EXOC6: variants seen among roughly 807,000 people sequenced by gnomAD.
EXOC6 encodes the protein exocyst complex component 6.
EXOC6 carries 60 observed loss-of-function variants against 112.5 expected under a neutral mutation model. That is an observed-to-expected ratio of 0.53 (90% CI 0.43 to 0.66). The LOEUF (loss-of-function observed/expected upper bound fraction) is 0.66, where lower values mean the gene tolerates loss of function less well. Among genes scored for constraint, EXOC6 ranks in the 30% least tolerant of loss-of-function variants. The pLI is 0.00. For missense variants in EXOC6, 855 were observed against 957.1 expected (o/e 0.89, Z 1.41); for synonymous variants, 295 against 308.0 (o/e 0.96, Z 0.44).
intron 4 of EXOC6, among the ~76,000 whole-genome samples, chr10:92,896,426 G>C (rs936903071): frequency 1.3e-5 from 2 of 149,236 alleles, no homozygotes; most frequent in African/African-American, 4.9e-5. Flanking sequence ...CAAACTTCTG[G>C]CCTCAAATGA....
upstream of EXOC6, chr10:92,848,503 C>G: frequency 7.6e-7 from 1 of 1,317,502 alleles, no homozygotes. Context: ...CGCGGCGCCG[C>G]GCCTCGCTGG....
chr10:93,058,390 C>T lies in EXOC6; in HGVS notation c.*35C>T, dbSNP rs776125533. ...GGCTTGCACTCAGTGACACCAAATC[C>T]ATGATTCAATGTTGATCTTGAGCAA... On this transcript the variant is annotated 3_prime_UTR_variant, in exon 22 of 22. Coordinates refer to ENST00000260762, the MANE Select transcript of EXOC6 (RefSeq NM_019053.6). 6.5e-7 allele frequency: 1 copy of T among 1,549,404 alleles called. No homozygotes were observed. The highest frequency in any genetic ancestry group is 1.2e-5 in the South Asian group (1 of 80,466).
At chr10:92,876,810 T>C (rs1848703319) in intron 1 of EXOC6, among the ~76,000 whole-genome samples, 1 of 152,188 alleles carries the variant, frequency 6.6e-6, no homozygotes, top group South Asian at 2.1e-4. Context: ...GAAAAATCAC[T>C]GACACTTTTA....
intron 18 of EXOC6, among the ~76,000 whole-genome samples, chr10:92,986,302 T>TA (rs150882055): frequency 0.011 from 1,625 of 152,272 alleles, 33 homozygotes; most frequent in African/African-American, 0.037. Context: ...TTGAATAAAA[T>TA]AACTATGATG....
At chr10:92,865,514 G>A (rs909229493) in intron 1 of EXOC6, among the ~76,000 whole-genome samples, 8 of 152,186 alleles carry the variant, frequency 5.3e-5, no homozygotes, top group African/African-American at 1.9e-4. Flanking sequence ...TCCAGCCTGG[G>A]CGACAGAGGG....
At position 92,919,434 on chromosome 10, in the gene EXOC6, AT is replaced by A. The variant is rs528409604; in HGVS notation, c.820-539del. Among the ~76,000 whole-genome samples, 483 of 151,606 alleles carry A rather than the reference AT, an allele frequency of 3.2e-3. 5 individuals carry two copies. Among genetic ancestry groups the A allele is most frequent in the Middle Eastern group, 3.4e-3 (1 of 292 alleles). On this transcript the variant is annotated intron_variant, in intron 7 of 21. Coordinates refer to ENST00000260762, the MANE Select transcript of EXOC6 (RefSeq NM_019053.6). ...TACTACATTTCATCAATTGTAAGGC[AT>A]TTTTTTTTCCACATAACATTTCAGA...
intron 6 of EXOC6, among the ~76,000 whole-genome samples, chr10:92,914,023 C>T (rs572045788): frequency 1.3e-5 from 2 of 152,152 alleles, no homozygotes; most frequent in African/African-American, 2.4e-5. Context: ...TAATATTGCT[C>T]TCTAGGGCAG....
chr10:93,000,633 G>A (rs953528024), intron 19 of EXOC6, among the ~76,000 whole-genome samples: 3 of 152,052 alleles, frequency 2.0e-5, no homozygotes, highest in African/African-American at 4.8e-5. Flanking sequence ...AAGACAACTC[G>A]GATTCCTTTA....
chr10:92,850,988 A>G (rs1337489206), intron 1 of EXOC6, among the ~76,000 whole-genome samples: 1 of 152,218 alleles, frequency 6.6e-6, no homozygotes, highest in East Asian at 1.9e-4. Flanking sequence ...CTATCTGGAA[A>G]ATTCCCAAAT....
At chr10:92,869,262 C>A (rs1848324414) in intron 1 of EXOC6, among the ~76,000 whole-genome samples, 1 of 151,314 alleles carries the variant, frequency 6.6e-6, no homozygotes, top group African/African-American at 2.4e-5. Flanking sequence ...CTTGGCCTTC[C>A]AGAGTGCTGG....
rs1472002134 is a variant in EXOC6 at position 92,897,485 on chromosome 10, A to G, written c.413-2114A>G. Among the ~76,000 whole-genome samples the G allele has an allele frequency of 2.0e-5, 3 of 152,334 alleles. No individual in the cohort carries two copies. The East Asian group carries it at 5.8e-4, about 29-fold the overall frequency. ...CTTGGGACCCCAAAATCACTAAGCC[A>G]AGAAAAAAGTCAAGCTGGGAACTGT... On this transcript the variant is annotated intron_variant, in intron 4 of 21. Transcript: ENST00000260762.
In EXOC6 at chr10:92,915,002, G is replaced by A. The variant is rs1013446216; in HGVS notation, c.664-756G>A. Reference sequence around the variant, plus strand: ...TCTCAACTTTTTATTCTGTGTAAATGTTGTTTTTTGTCAATGATCAATTGT... The same window carrying A: ...TCTCAACTTTTTATTCTGTGTAAATATTGTTTTTTGTCAATGATCAATTGT... On this transcript the variant is annotated intron_variant, in intron 6 of 21. Transcript: ENST00000260762. 2.6e-5 allele frequency among the ~76,000 whole-genome samples: 4 copies of A among 152,190 alleles called. No homozygotes were observed. In the East Asian group the frequency reaches 7.7e-4, roughly 29 times the overall value.
At chr10:92,901,481 T>C (rs573138767) in intron 5 of EXOC6, 14 of 151,836 alleles carry the variant, frequency 9.2e-5, no homozygotes, top group African/African-American at 3.4e-4. Flanking sequence ...TTATAATTTA[T>C]TATTGTCATT....
chr10:93,013,034 AAAG>A (rs1844330461), intron 19 of EXOC6, among the ~76,000 whole-genome samples: 1 of 152,084 alleles, frequency 6.6e-6, no homozygotes. Flanking sequence ...AAAAGAAAAA[AAAG>A]AAGAAGAAAA....
chr10:92,904,626 G>A (rs1397883785), intron 5 of EXOC6, among the ~76,000 whole-genome samples: 1 of 151,918 alleles, frequency 6.6e-6, no homozygotes, highest in Admixed American at 6.6e-5. Context: ...TTTTAATTTG[G>A]TGGCTTATTT....
intron 18 of EXOC6, among the ~76,000 whole-genome samples, chr10:92,989,380 G>T (rs1342187526): frequency 6.6e-6 from 1 of 152,126 alleles, no homozygotes; most frequent in African/African-American, 2.4e-5. Context: ...GCAGAAACTT[G>T]GAAAATATCT....
At chr10:92,913,788 T>A (rs749969376) in intron 6 of EXOC6, among the ~76,000 whole-genome samples, 3 of 152,230 alleles carry the variant, frequency 2.0e-5, no homozygotes, top group Non-Finnish European at 4.4e-5. Flanking sequence ...CTGCTTATTT[T>A]TGCCTTCCTG....
At chr10:92,985,381 T>C (rs1400219221) in intron 18 of EXOC6, among the ~76,000 whole-genome samples, 2 of 152,214 alleles carry the variant, frequency 1.3e-5, no homozygotes, top group Non-Finnish European at 2.9e-5. Context: ...GGCAGTGGCT[T>C]TCTTTTCTCT....
At chr10:92,894,504 C>T (rs1458603952) in intron 2 of EXOC6, among the ~76,000 whole-genome samples, 1 of 152,094 alleles carries the variant, frequency 6.6e-6, no homozygotes, top group African/African-American at 2.4e-5. Context: ...TCAATTGGGT[C>T]AGTGATTTGA....
Sources: gnomAD v4.1 joint callset for allele counts (sites outside exome capture counted in the v4.1 genomes callset) on GRCh38, gnomAD v4.1.1 for gene constraint, MANE v1.5 for transcripts, NCBI Gene and HGNC (gene_info 2026-07-23, HGNC 2026-07-21) for gene names.